The following PTPDC1 variants were observed in gnomAD, a reference collection of about 807,000 sequenced individuals.
The protein encoded by PTPDC1 is protein tyrosine phosphatase domain containing 1.
A neutral mutation model predicts 75.3 loss-of-function variants in PTPDC1; 53 were observed. The ratio of observed to expected loss-of-function variants is 0.70; its 90% CI spans 0.56 to 0.88. The LOEUF is 0.88. Ranked by LOEUF, PTPDC1 falls within the 40% of genes least tolerant of loss-of-function variation. The probability of loss-of-function intolerance (pLI) is 0.00; values close to 1 mark genes in which losing one functional copy is unlikely to be tolerated. For missense variants in PTPDC1, 925 were observed against 998.6 expected (o/e 0.93, Z 0.99); for synonymous variants, 349 against 366.2 (o/e 0.95, Z 0.54).
At chr9:94,034,985 A>G (rs192615897) in intron 1 of PTPDC1, among the ~76,000 whole-genome samples, 2 of 152,330 alleles carry the variant, frequency 1.3e-5, no homozygotes, top group East Asian at 1.9e-4. Flanking sequence ...CAATTTTAAA[A>G]TGTATATGAT....
chr9:94,048,647 G>C (rs945033553), intron 1 of PTPDC1, among the ~76,000 whole-genome samples: 7 of 152,142 alleles, frequency 4.6e-5, no homozygotes, highest in East Asian at 3.9e-4. Context: ...TTTTGGAATA[G>C]GTGTGGTGTG....
chr9:94,096,919 A>G (rs1827592972), intron 5 of PTPDC1, among the ~76,000 whole-genome samples: 2 of 152,186 alleles, frequency 1.3e-5, no homozygotes, highest in African/African-American at 4.8e-5. Context: ...AATTCTCAAG[A>G]ACTGTTCAGA....
At chr9:94,034,144 CCTCA>C (rs764237436) in intron 1 of PTPDC1, among the ~76,000 whole-genome samples, 15 of 152,154 alleles carry the variant, frequency 9.9e-5, no homozygotes, top group Admixed American at 8.5e-4. Flanking sequence ...AAAATATGTT[CCTCA>C]CTGAGTTTAA....
At position 94,109,754 on chromosome 9, in the gene PTPDC1, T is replaced by C. The variant is rs1411000488; in HGVS notation, c.*1810T>C. 1 of 152,120 alleles carries C rather than the reference T, an allele frequency of 6.6e-6. No homozygotes were observed. Among genetic ancestry groups the C allele is most frequent in the African/African-American group, 2.4e-5 (1 of 41,410 alleles). The allele number at this position is 152,120 out of a possible 1,614,324, so 9.4% of individuals were successfully genotyped here. A position where few individuals can be genotyped will look rare whatever the true frequency, so the allele number is the denominator to read the frequency against. ...GACCATAGCATGGCACAACTAAAAA[T>C]CTAAGCCTGAAACCTGAAAAAAGAG... On this transcript the variant is annotated 3_prime_UTR_variant, in exon 9 of 9. Coordinates refer to ENST00000620992, the MANE Select transcript of PTPDC1 (RefSeq NM_001253829.2).
In PTPDC1 at chr9:94,085,302, G is replaced by A. The variant is rs760469028; in HGVS notation, c.296G>A (p.Arg99Gln). The change falls in exon 2 of 9, where the codon CGG (arginine) becomes CAG (glutamine). Residue 99 changes from arginine (R) to glutamine (Q), a missense_variant. Arg to Gln is a conservative substitution (Grantham distance 43). Transcript: ENST00000620992. The stretch of plus-strand genomic sequence containing the variant: ...TACACAAAAGTAGGGGAGCGTTTAC[G>A]GCATGTCATTCCTGGACACATGGCA... The part of the protein sequence containing the change: ...PKYTKVGERL[R>Q]HVIPGHMACS... 1.1e-5 allele frequency: 18 copies of A among 1,614,012 alleles called. No individual in the cohort carries two copies. Among genetic ancestry groups the A allele is most frequent in the Middle Eastern group, 1.6e-4 (1 of 6,084 alleles).
intron 1 of PTPDC1, among the ~76,000 whole-genome samples, chr9:94,033,396 A>C (rs1471667652): frequency 6.6e-6 from 1 of 152,190 alleles, no homozygotes; most frequent in South Asian, 2.1e-4. Flanking sequence ...TTGTTACTGA[A>C]AAAGTTGTAT....
chr9:94,044,516 C>T (rs1564008950), intron 1 of PTPDC1, among the ~76,000 whole-genome samples: 1 of 152,030 alleles, frequency 6.6e-6, no homozygotes, highest in Admixed American at 6.5e-5. Flanking sequence ...GTTTTCTCAT[C>T]GTTCAGTTCC....
intron 2 of PTPDC1, among the ~76,000 whole-genome samples, chr9:94,087,023 C>A (rs948746136): frequency 2.0e-5 from 3 of 152,106 alleles, no homozygotes; most frequent in Non-Finnish European, 4.4e-5. Flanking sequence ...CATTATTATC[C>A]CCATTTAACA....
At chr9:94,081,094 A>G (rs1313873483), upstream of PTPDC1, among the ~76,000 whole-genome samples, 1 of 150,690 alleles carries the variant, frequency 6.6e-6, no homozygotes, top group African/African-American at 2.4e-5. Flanking sequence ...GGTGCAAGCA[A>G]TTCTCCTGCC....
chr9:94,086,378 G>A (rs892887645), intron 2 of PTPDC1, among the ~76,000 whole-genome samples: 8 of 152,204 alleles, frequency 5.3e-5, no homozygotes, highest in Non-Finnish European at 1.0e-4. Flanking sequence ...AATCATGTGA[G>A]TCTTTTTCAC....
intron 1 of PTPDC1, among the ~76,000 whole-genome samples, chr9:94,058,696 ACT>A (rs1288814901): frequency 6.6e-6 from 1 of 151,474 alleles, no homozygotes; most frequent in East Asian, 1.9e-4. Flanking sequence ...ACAGAGCAAG[ACT>A]CTGTCTCAAA....
At chr9:94,105,662 G>T (rs1434398462) in intron 8 of PTPDC1, among the ~76,000 whole-genome samples, 2 of 86,020 alleles carry the variant, frequency 2.3e-5, no homozygotes, top group Admixed American at 1.5e-4. Flanking sequence ...GCGAGACTCT[G>T]TCTCAAAAAA....
upstream of PTPDC1, among the ~76,000 whole-genome samples, chr9:94,084,228 G>A (rs1826982923): frequency 6.6e-6 from 1 of 152,100 alleles, no homozygotes; most frequent in South Asian, 2.1e-4. Context: ...TAATTCTTTG[G>A]TTAGATATTT....
At chr9:94,056,686 G>A (rs1490004321) in intron 1 of PTPDC1, among the ~76,000 whole-genome samples, 2 of 152,212 alleles carry the variant, frequency 1.3e-5, no homozygotes, top group African/African-American at 2.4e-5. Context: ...GGAAAGTAGT[G>A]ACCTAAGAAT....
intron 1 of PTPDC1, among the ~76,000 whole-genome samples, chr9:94,050,271 T>C (rs1825745345): frequency 6.6e-6 from 1 of 152,214 alleles, no homozygotes; most frequent in African/African-American, 2.4e-5. Flanking sequence ...CTGTGTTCCT[T>C]TGGAGGAGGA....
chr9:94,075,763 C>T (rs1188864528), intron 2 of PTPDC1, among the ~76,000 whole-genome samples: 1 of 152,130 alleles, frequency 6.6e-6, no homozygotes, highest in Non-Finnish European at 1.5e-5. Context: ...AGAAGTCTGC[C>T]TAGTAGCTTT....
At position 94,094,620 on chromosome 9, in the gene PTPDC1, C is replaced by T. The variant is rs1002827277; in HGVS notation, c.617-697C>T. Among the ~76,000 whole-genome samples the T allele has an allele frequency of 1.9e-3, 287 of 152,294 alleles. 1 individual carries two copies. Among genetic ancestry groups the T allele is most frequent in the African/African-American group, 6.4e-3 (266 of 41,552 alleles). On this transcript the variant is annotated intron_variant, in intron 4 of 8. Transcript: ENST00000620992. ...TGGGCTCCACCCAGTTCGAGCTTCC[C>T]GGCTGCTTTGTTTACCTAAGCAAGC...
chr9:94,077,130 A>G (rs144463491), intron 2 of PTPDC1, among the ~76,000 whole-genome samples: 1 of 152,326 alleles, frequency 6.6e-6, no homozygotes, highest in African/African-American at 2.4e-5. Flanking sequence ...AATCCAGACT[A>G]TTTTCATCAG....
chr9:94,057,577 C>A (rs965749762), intron 1 of PTPDC1, among the ~76,000 whole-genome samples: 3 of 152,148 alleles, frequency 2.0e-5, no homozygotes, highest in African/African-American at 7.2e-5. Context: ...TAGGAACACA[C>A]ACACACACCC....
Sources: gnomAD v4.1 joint callset for allele counts (sites outside exome capture counted in the v4.1 genomes callset) on GRCh38, gnomAD v4.1.1 for gene constraint, MANE v1.5 for transcripts, NCBI Gene and HGNC (gene_info 2026-07-23, HGNC 2026-07-21) for gene names.